NELL1: variants seen among roughly 807,000 people sequenced by gnomAD.
NELL1 encodes the protein protein kinase C-binding protein NELL1.
NELL1 carries 76 observed loss-of-function variants against 107.4 expected under a neutral mutation model. The ratio of observed to expected loss-of-function variants is 0.71; its 90% CI spans 0.59 to 0.86. NELL1 has a LOEUF of 0.86. Among genes scored for constraint, NELL1 ranks in the 40% least tolerant of loss-of-function variants. The pLI, the probability that NELL1 is intolerant of heterozygous loss-of-function variation, is 0.00. For synonymous variants in NELL1, 353 were observed against 341.2 expected (o/e 1.03, Z -0.38); for missense variants, 1,024 against 1,005.5 (o/e 1.02, Z -0.25).
chr11:21,449,440 T>A (rs1853523961), intron 15 of NELL1, among the ~76,000 whole-genome samples: 1 of 152,114 alleles, frequency 6.6e-6, no homozygotes, highest in Non-Finnish European at 1.5e-5. Flanking sequence ...TTTTGAGAGG[T>A]TATTATAGAT....
intron 14 of NELL1, chr11:21,285,071 G>T (rs573515298): frequency 4.4e-4 from 67 of 153,866 alleles, no homozygotes; most frequent in Non-Finnish European, 8.1e-4. Flanking sequence ...CAAGAAACCA[G>T]CTTATCCTTT....
chr11:21,497,888 G>C (rs1402885206), intron 15 of NELL1, among the ~76,000 whole-genome samples: 1 of 151,854 alleles, frequency 6.6e-6, no homozygotes, highest in Non-Finnish European at 1.5e-5. Context: ...TTCAGGCCTT[G>C]ACATATTATT....
chr11:20,682,510 A>G (rs1353333806), intron 2 of NELL1, among the ~76,000 whole-genome samples: 1 of 152,072 alleles, frequency 6.6e-6, no homozygotes, highest in Non-Finnish European at 1.5e-5. Flanking sequence ...CATAAAATTT[A>G]AAGTTAAAAA....
chr11:21,431,305 C>T (rs1852959258), intron 15 of NELL1, among the ~76,000 whole-genome samples: 2 of 152,120 alleles, frequency 1.3e-5, no homozygotes, highest in African/African-American at 4.8e-5. Context: ...TTCCTTTTTA[C>T]AAAAATCCTT....
intron 7 of NELL1, among the ~76,000 whole-genome samples, chr11:20,919,876 C>A (rs1411895100): frequency 2.0e-5 from 3 of 152,068 alleles, no homozygotes; most frequent in Non-Finnish European, 2.9e-5. Flanking sequence ...AATTCCGCAC[C>A]TTTTCCTCCT....
intron 14 of NELL1, among the ~76,000 whole-genome samples, chr11:21,367,475 G>A (rs984455086): frequency 1.3e-5 from 2 of 152,158 alleles, no homozygotes; most frequent in Admixed American, 6.6e-5. Flanking sequence ...AAGGAGTGAC[G>A]AGGAGTCCTC....
chr11:21,512,514 T>C (rs1015887874), intron 15 of NELL1, among the ~76,000 whole-genome samples: 3 of 152,138 alleles, frequency 2.0e-5, no homozygotes, highest in Non-Finnish European at 2.9e-5. Flanking sequence ...TAATTATATA[T>C]GTGCTTGTCT....
chr11:20,709,782 T>A (rs1024772576), intron 2 of NELL1, among the ~76,000 whole-genome samples: 2 of 152,060 alleles, frequency 1.3e-5, no homozygotes, highest in African/African-American at 2.4e-5. Context: ...ATTATTAATA[T>A]TTTATTATTA....
intron 4 of NELL1, among the ~76,000 whole-genome samples, chr11:20,875,668 T>G (rs1849290384): frequency 6.6e-6 from 1 of 152,234 alleles, no homozygotes; most frequent in Non-Finnish European, 1.5e-5. Flanking sequence ...AGGACAGTCT[T>G]ATATGATCTG....
rs186421696 is a variant in NELL1 at position 21,207,935 on chromosome 11, G to T, written c.1427-21397G>T. On this transcript the variant is annotated intron_variant, in intron 13 of 19. Transcript: ENST00000357134. ...TTGTTGTGTATAAGTTATACAACATGATGTTATGGGATACACATAGATCAT... is the reference window on the plus strand; with the variant it reads ...TTGTTGTGTATAAGTTATACAACATTATGTTATGGGATACACATAGATCAT... 4.6e-3 allele frequency among the ~76,000 whole-genome samples: 696 copies of T among 152,204 alleles called. 3 individuals are homozygous for T. The highest frequency in any genetic ancestry group is 0.016 in the African/African-American group (673 of 41,542).
At chr11:21,067,361 T>A (rs561835373) in intron 12 of NELL1, among the ~76,000 whole-genome samples, 1 of 142,432 alleles carries the variant, frequency 7.0e-6, no homozygotes, top group Admixed American at 6.7e-5. Flanking sequence ...GCAAACATGA[T>A]TTTTTTTTAA....
chr11:20,765,927 T>C (rs1478001034), intron 2 of NELL1, among the ~76,000 whole-genome samples: 2 of 152,248 alleles, frequency 1.3e-5, no homozygotes, highest in Admixed American at 6.5e-5. Flanking sequence ...AGAACTTTTT[T>C]ATTTTGCAAA....
intron 3 of NELL1, among the ~76,000 whole-genome samples, chr11:20,803,581 A>G (rs1857322240): frequency 6.6e-6 from 1 of 152,048 alleles, no homozygotes; most frequent in South Asian, 2.1e-4. Context: ...CTTTACATCT[A>G]CTAACTTTGA....
chr11:21,265,629 A>G (rs770352185), intron 14 of NELL1, among the ~76,000 whole-genome samples: 2 of 152,028 alleles, frequency 1.3e-5, no homozygotes, highest in African/African-American at 2.4e-5. Flanking sequence ...ACAACATCCA[A>G]TAAGTCTCAA....
intron 2 of NELL1, among the ~76,000 whole-genome samples, chr11:20,778,498 C>CTTTTTTTTT (rs1161737750): frequency 2.7e-5 from 2 of 73,020 alleles, no homozygotes; most frequent in African/African-American, 1.2e-4. Context: ...TCACCCAGCA[C>CTTTTTTTTT]TTTTTTTTTT....
intron 14 of NELL1, among the ~76,000 whole-genome samples, chr11:21,266,665 C>A (rs143886007): frequency 3.3e-5 from 5 of 151,894 alleles, no homozygotes; most frequent in Admixed American, 6.6e-5. Flanking sequence ...TGGTGGTCCC[C>A]GGTTTTGTCA....
intron 13 of NELL1, among the ~76,000 whole-genome samples, chr11:21,178,937 T>A (rs746020593): frequency 2.5e-4 from 38 of 151,792 alleles, no homozygotes; most frequent in Non-Finnish European, 2.5e-4. Context: ...TTTGATATTA[T>A]GCATGGCTGA....
intron 5 of NELL1, among the ~76,000 whole-genome samples, chr11:20,897,162 A>G (rs1179823884): frequency 2.0e-5 from 3 of 152,210 alleles, no homozygotes; most frequent in Admixed American, 1.3e-4. Context: ...ACTTCAAACT[A>G]TACTACAAAG....
chr11:20,832,044 A>G (rs1380001756), intron 3 of NELL1, among the ~76,000 whole-genome samples: 1 of 152,150 alleles, frequency 6.6e-6, no homozygotes, highest in Admixed American at 6.5e-5. Context: ...CTGGGTGTGG[A>G]GGAGGCTCCT....
Sources: gnomAD v4.1 joint callset for allele counts (sites outside exome capture counted in the v4.1 genomes callset) on GRCh38, gnomAD v4.1.1 for gene constraint, MANE v1.5 for transcripts, NCBI Gene and HGNC (gene_info 2026-07-23, HGNC 2026-07-21) for gene names.